SLCO4A1: variants seen among roughly 807,000 people sequenced by gnomAD.
SLCO4A1 encodes solute carrier organic anion transporter family member 4A1.
SLCO4A1 carries 51 observed loss-of-function variants against 64.6 expected under a neutral mutation model. The observed-to-expected ratio is 0.79, with a 90% confidence interval of 0.63 to 1.00. SLCO4A1 has a LOEUF of 1.00. SLCO4A1 is among the 50% of genes least tolerant of loss of function. The probability of loss-of-function intolerance (pLI) is 0.00; values close to 1 mark genes in which losing one functional copy is unlikely to be tolerated. For missense variants in SLCO4A1, 919 were observed against 980.5 expected, an observed-to-expected ratio of 0.94 and a Z score of 0.84; for synonymous variants, 471 against 444.9, an observed-to-expected ratio of 1.06 and a Z score of -0.74.
rs1302977980 is a variant in SLCO4A1 at position 62,656,970 on chromosome 20, G to A, written c.516G>A (p.Trp172Ter). Residue 172 changes from tryptophan (W) to a stop codon, truncating the protein, a stop_gained, in exon 2 of 12, where the codon TGG (tryptophan) becomes TGA (stop). Transcript: ENST00000217159. LOFTEE classifies it high-confidence loss of function. ...GGGGCTCAGGGCACAAGCCGCGCTG[G>A]CTGGGCTGGGGCGTGCTGCTTATGG... ...YFGGSGHKPR[W>*]LGWGVLLMGT... The A allele has an allele frequency of 6.4e-7, 1 of 1,565,420 alleles. No homozygotes were observed. The highest frequency in any genetic ancestry group is 1.7e-5 in the Admixed American group (1 of 57,978).
At chr20:62,670,527 G>T (rs547096759) in intron 11 of SLCO4A1, among the ~76,000 whole-genome samples, 2 of 152,362 alleles carry the variant, frequency 1.3e-5, no homozygotes, top group African/African-American at 4.8e-5. Context: ...CAGCGAGAAG[G>T]TGTAGTTCCT....
In SLCO4A1 at chr20:62,654,188, G is replaced by A. The variant is rs576838684; in HGVS notation, c.-96-2171G>A. ...AGGTGGTCCTGAGAGCGCCACGCCC[G>A]TCTCTGTCTCTGTCTGCAGGTGGCC... is the stretch of plus-strand genomic sequence containing the variant. On this transcript the variant is annotated intron_variant, in intron 1 of 11. Coordinates refer to ENST00000217159, the MANE Select transcript of SLCO4A1 (RefSeq NM_016354.4). 2.8e-4 allele frequency among the ~76,000 whole-genome samples: 42 copies of A among 152,274 alleles called. No individual in the cohort carries two copies. The South Asian group carries it at 4.8e-3, about 17-fold the overall frequency.
chr20:62,672,374 A>G, downstream of SLCO4A1: 2 of 789,706 alleles, frequency 2.5e-6, no homozygotes, highest in Non-Finnish European at 3.1e-6. Flanking sequence ...TCCTGTAGTC[A>G]GCCCTGTGGA....
downstream of SLCO4A1, among the ~76,000 whole-genome samples, chr20:62,673,172 G>C (rs570062005): frequency 7.0e-6 from 1 of 142,782 alleles, no homozygotes; most frequent in Non-Finnish European, 1.6e-5. Flanking sequence ...CATGGGGGGG[G>C]CACAGAGGGC....
rs1184501138 is a variant in SLCO4A1 at position 62,656,601 on chromosome 20, T to C, written c.147T>C (p.His49=). ...CCGGCTCCCTCCGCTCCGCTGCCCA[T>C]AGCCCCCTGGACACCAGCAAGCAGC... ...LSPGSLRSAA[H]SPLDTSKQPL... The change falls in exon 2 of 12, where the codon CAT becomes CAC. Residue 49 remains histidine (H), a synonymous_variant. Coordinates refer to ENST00000217159, the MANE Select transcript of SLCO4A1 (RefSeq NM_016354.4). The C allele has an allele frequency of 2.5e-6, 4 of 1,598,406 alleles. No individual in the cohort carries two copies. The highest frequency in any genetic ancestry group is 2.7e-5 in the African/African-American group (2 of 74,530).
intron 1 of SLCO4A1, among the ~76,000 whole-genome samples, chr20:62,653,581 G>A (rs1322117208): frequency 7.9e-5 from 12 of 151,146 alleles, no homozygotes; most frequent in East Asian, 5.8e-4. Context: ...GCGGATCACC[G>A]GCTGCGCCTC....
chr20:62,656,978 G>T lies in SLCO4A1; in HGVS notation c.524G>T (p.Trp175Leu). ...GSGHKPRWLG[W>L]GVLLMGTGSL... is the part of the protein sequence containing the mutation. ...GGGCACAAGCCGCGCTGGCTGGGCTGGGGCGTGCTGCTTATGGGCACGGGG... is the reference window on the plus strand; with the variant it reads ...GGGCACAAGCCGCGCTGGCTGGGCTTGGGCGTGCTGCTTATGGGCACGGGG... Residue 175 changes from tryptophan (W) to leucine (L), a missense_variant, in exon 2 of 12, where the codon TGG becomes TTG. By Grantham distance (61) the Trp-to-Leu change is moderately conservative (BLOSUM62 -2). Coordinates refer to ENST00000217159, the MANE Select transcript of SLCO4A1 (RefSeq NM_016354.4). The T allele has an allele frequency of 6.4e-7, 1 of 1,566,996 alleles. No homozygotes were observed. The highest frequency in any genetic ancestry group is 8.7e-7 in the Non-Finnish European group (1 of 1,151,280).
At chr20:62,675,176 G>A (rs1160596550), downstream of SLCO4A1, among the ~76,000 whole-genome samples, 1 of 152,186 alleles carries the variant, frequency 6.6e-6, no homozygotes, top group Non-Finnish European at 1.5e-5. Flanking sequence ...CCAGGATGGA[G>A]GGCAGGTATT....
chr20:62,673,167 G>T (rs1239652417), downstream of SLCO4A1, among the ~76,000 whole-genome samples: 3 of 142,710 alleles, frequency 2.1e-5, no homozygotes, highest in Non-Finnish European at 4.8e-5. Flanking sequence ...AGGGGCATGG[G>T]GGGGGCACAG....
downstream of SLCO4A1, among the ~76,000 whole-genome samples, chr20:62,687,990 T>C (rs1407174539): frequency 2.0e-5 from 3 of 148,560 alleles, no homozygotes; most frequent in African/African-American, 7.3e-5. Flanking sequence ...ACCAGCTTCA[T>C]TGCCTTCCAG....
chr20:62,681,893 G>A (rs113066720), intron 2 of SLCO4A1, among the ~76,000 whole-genome samples: 34 of 140,744 alleles, frequency 2.4e-4, no homozygotes, highest in African/African-American at 8.2e-4. Context: ...GGGTGAGTTT[G>A]GTAGTTTGCA....
chr20:62,689,876 G>A (rs1322338314), downstream of SLCO4A1, among the ~76,000 whole-genome samples: 1 of 152,216 alleles, frequency 6.6e-6, no homozygotes, highest in African/African-American at 2.4e-5. Flanking sequence ...TGGACCTGAG[G>A]GAACCCCTAC....
intron 5 of SLCO4A1, 90 bp from the exon 6 acceptor site, chr20:62,664,844 C>T (rs563579653): frequency 1.5e-6 from 2 of 1,356,614 alleles, no homozygotes; most frequent in Non-Finnish European, 2.0e-6. Flanking sequence ...CTCTGCCCAC[C>T]ACTCTGACCC....
At chr20:62,667,608 G>A (rs1189534833) in intron 7 of SLCO4A1, 137 bp from the exon 8 acceptor site, 7 of 980,394 alleles carry the variant, frequency 7.1e-6, no homozygotes, top group Non-Finnish European at 1.1e-5. Context: ...GCGTGCTGGG[G>A]GCGGTGCAAG....
chr20:62,668,661 G>A, intron 10 of SLCO4A1, 120 bp downstream of exon 10: 2 of 1,015,146 alleles, frequency 2.0e-6, no homozygotes, highest in South Asian at 2.6e-5. Context: ...TTCCCGCCTG[G>A]GAAGGGGTCC....
chr20:62,667,725 C>A lies in SLCO4A1; in HGVS notation c.1473-20C>A. 6.3e-7 allele frequency: 1 copy of A among 1,598,542 alleles called. No individual in the cohort carries two copies. Among genetic ancestry groups the A allele is most frequent in the South Asian group, 1.1e-5 (1 of 89,284 alleles). On this transcript the variant is annotated intron_variant, in intron 7 of 11. Coordinates refer to ENST00000217159, the MANE Select transcript of SLCO4A1 (RefSeq NM_016354.4). ...TGGCTCTGGCCTGGACCCTACCACT[C>A]GCTTGTCCCCCCTCTGCAGCCTCCT...
chr20:62,669,816 G>C (rs1986980470), intron 11 of SLCO4A1: 1 of 152,218 alleles, frequency 6.6e-6, no homozygotes. Context: ...AAGGAGCCCA[G>C]CTGGTTCACC....
downstream of SLCO4A1, among the ~76,000 whole-genome samples, chr20:62,687,224 C>T (rs1316694454): frequency 7.3e-6 from 1 of 136,688 alleles, no homozygotes; most frequent in Non-Finnish European, 1.6e-5. Flanking sequence ...GAGCGGGGGC[C>T]TCTGAAGGCA....
chr20:62,672,300 C>T (rs139899389), downstream of SLCO4A1: 67 of 1,093,278 alleles, frequency 6.1e-5, no homozygotes, highest in Middle Eastern at 1.7e-3. Flanking sequence ...CCTGCGTCCC[C>T]GTACCGCGTG....
Sources: allele counts gnomAD v4.1 joint callset (sites outside exome capture counted in the v4.1 genomes callset), GRCh38; gene constraint gnomAD v4.1.1; transcripts MANE v1.5; gene names NCBI Gene and HGNC (gene_info 2026-07-23, HGNC 2026-07-21).